CAMK4: variants seen among roughly 807,000 people sequenced by gnomAD.
CAMK4 encodes the protein calcium/calmodulin dependent protein kinase IV.
Under a neutral mutation model 44.9 loss-of-function variants are expected in CAMK4, and 22 were observed. That is an observed-to-expected ratio of 0.49 (90% CI 0.35 to 0.70). The LOEUF (loss-of-function observed/expected upper bound fraction) is 0.70, where lower values mean the gene tolerates loss of function less well. Ranked by LOEUF, CAMK4 falls within the 30% of genes least tolerant of loss-of-function variation. CAMK4 has a pLI of 0.01. For missense variants in CAMK4, 498 were observed against 586.8 expected (o/e 0.85, Z 1.56); for synonymous variants, 218 against 215.4 (o/e 1.01, Z -0.11).
At chr5:111,444,457 A>C (rs1012545589) in intron 5 of CAMK4, among the ~76,000 whole-genome samples, 1 of 152,178 alleles carries the variant, frequency 6.6e-6, no homozygotes, top group Non-Finnish European at 1.5e-5. Flanking sequence ...ATCCCCTGGC[A>C]GGAAACACTC....
intron 7 of CAMK4, among the ~76,000 whole-genome samples, chr5:111,462,889 G>A (rs983676346): frequency 6.6e-6 from 1 of 152,062 alleles, no homozygotes; most frequent in Non-Finnish European, 1.5e-5. Context: ...ATGTTTCAAT[G>A]GTGCCATCAT....
At chr5:111,410,638 C>A (rs2112894187) in intron 5 of CAMK4, among the ~76,000 whole-genome samples, 1 of 152,138 alleles carries the variant, frequency 6.6e-6, no homozygotes, top group South Asian at 2.1e-4. Flanking sequence ...GAATAAAGTT[C>A]TGTTTTGTAT....
At chr5:111,345,903 A>G (rs1408166481) in intron 2 of CAMK4, among the ~76,000 whole-genome samples, 1 of 152,016 alleles carries the variant, frequency 6.6e-6, no homozygotes, top group Non-Finnish European at 1.5e-5. Context: ...GAAGTGTCAG[A>G]TGGAGCTGCA....
chr5:111,413,355 G>T (rs1752695480), intron 5 of CAMK4, among the ~76,000 whole-genome samples: 1 of 152,108 alleles, frequency 6.6e-6, no homozygotes, highest in Non-Finnish European at 1.5e-5. Flanking sequence ...GAGGCAGGCA[G>T]ATCTCGAGGT....
chr5:111,283,222 A>C (rs1252190401), intron 1 of CAMK4, among the ~76,000 whole-genome samples: 2 of 152,244 alleles, frequency 1.3e-5, no homozygotes, highest in East Asian at 3.8e-4. Context: ...GATAGAAAAC[A>C]AAAACCATTA....
chr5:111,230,470 A>C (rs572053401), intron 1 of CAMK4, among the ~76,000 whole-genome samples: 1 of 152,316 alleles, frequency 6.6e-6, no homozygotes, highest in Admixed American at 6.5e-5. Context: ...CTTAAAATCA[A>C]GTGAAGGCTA....
intron 1 of CAMK4, among the ~76,000 whole-genome samples, chr5:111,293,912 A>T (rs1308910464): frequency 6.6e-6 from 1 of 151,094 alleles, no homozygotes; most frequent in Non-Finnish European, 1.5e-5. Context: ...ATGCCCGGCT[A>T]ATTTTTTTGT....
chr5:111,328,675 C>T (rs1225802778), intron 1 of CAMK4, among the ~76,000 whole-genome samples: 1 of 152,012 alleles, frequency 6.6e-6, no homozygotes. Flanking sequence ...TTTGTATCCT[C>T]TTTTATTTCC....
chr5:111,441,620 C>T (rs1325867240), intron 5 of CAMK4, among the ~76,000 whole-genome samples: 1 of 152,090 alleles, frequency 6.6e-6, no homozygotes, highest in Non-Finnish European at 1.5e-5. Context: ...GTTCTTCTCC[C>T]CAGTTTATGG....
At chr5:111,272,222 C>T (rs760983405) in intron 1 of CAMK4, among the ~76,000 whole-genome samples, 11 of 151,912 alleles carry the variant, frequency 7.2e-5, no homozygotes, top group East Asian at 3.9e-4. Context: ...TATGATTTCT[C>T]GGGTTTAATT....
intron 1 of CAMK4, among the ~76,000 whole-genome samples, chr5:111,296,977 T>C (rs1415152242): frequency 6.6e-6 from 1 of 152,164 alleles, no homozygotes; most frequent in Non-Finnish European, 1.5e-5. Flanking sequence ...GTTTTAAAGG[T>C]GAAAACTTTA....
intron 2 of CAMK4, among the ~76,000 whole-genome samples, chr5:111,350,704 G>T (rs1355856358): frequency 1.3e-5 from 2 of 152,000 alleles, no homozygotes; most frequent in African/African-American, 4.8e-5. Context: ...TTTTGCTTGA[G>T]TAATTTAATG....
At chr5:111,402,477 T>G (rs1480800903) in intron 5 of CAMK4, among the ~76,000 whole-genome samples, 1 of 152,198 alleles carries the variant, frequency 6.6e-6, no homozygotes, top group Admixed American at 6.5e-5. Context: ...TAGTACTGAG[T>G]GTTATGCTTA....
chr5:111,286,079 G>C (rs563593885), intron 1 of CAMK4, among the ~76,000 whole-genome samples: 1 of 152,310 alleles, frequency 6.6e-6, no homozygotes, highest in African/African-American at 2.4e-5. Context: ...GAGCAGGGGA[G>C]ATACTTCTGT....
intron 1 of CAMK4, among the ~76,000 whole-genome samples, chr5:111,273,714 T>TAC (rs1750630669): frequency 1.8e-5 from 1 of 57,032 alleles, no homozygotes; most frequent in African/African-American, 1.3e-4. Flanking sequence ...TATATATATA[T>TAC]ATATACACAC....
intron 2 of CAMK4, among the ~76,000 whole-genome samples, chr5:111,349,083 G>A (rs1269916844): frequency 6.6e-6 from 1 of 151,962 alleles, no homozygotes; most frequent in African/African-American, 2.4e-5. Flanking sequence ...GGATTGAAGT[G>A]CCTTTTGGGT....
rs894834574 is a variant in CAMK4 at position 111,290,302 on chromosome 5, A to G, written c.162-53722A>G. On this transcript the variant is annotated intron_variant, in intron 1 of 10. Coordinates refer to ENST00000282356, the MANE Select transcript of CAMK4 (RefSeq NM_001744.6). The surrounding 1 kb of genome is among the most constrained non-coding windows in gnomAD (Gnocchi z 4.5). ...AGCAAGACCAATAGGTCCCATGGCT[A>G]TGCAAACATTTTTGCATCTTCTTGT... Among the ~76,000 whole-genome samples the G allele has an allele frequency of 2.6e-5, 4 of 152,218 alleles. No individual in the cohort carries two copies. The highest frequency in any genetic ancestry group is 4.4e-5 in the Non-Finnish European group (3 of 68,042).
At chr5:111,420,825 C>T (rs998463256) in intron 5 of CAMK4, among the ~76,000 whole-genome samples, 1 of 152,174 alleles carries the variant, frequency 6.6e-6, no homozygotes, top group Non-Finnish European at 1.5e-5. Flanking sequence ...TCTCTTATTC[C>T]CTGAACAATT....
chr5:111,458,137 C>T (rs1020368155), intron 7 of CAMK4, among the ~76,000 whole-genome samples: 1 of 152,182 alleles, frequency 6.6e-6, no homozygotes, highest in African/African-American at 2.4e-5. Flanking sequence ...CTACTTTCTC[C>T]CTAAGGAGAT....
Sources: gnomAD v4.1 joint callset for allele counts (sites outside exome capture counted in the v4.1 genomes callset) on GRCh38, gnomAD v4.1.1 for gene constraint, Gnocchi (gnomAD v3.1) non-coding constraint, MANE v1.5 for transcripts, NCBI Gene and HGNC (gene_info 2026-07-23, HGNC 2026-07-21) for gene names.